COBL: variants seen among roughly 807,000 people sequenced by gnomAD.
The protein encoded by COBL is protein cordon-bleu.
In COBL, 51 loss-of-function variants were observed where a neutral mutation model predicts 98.8. The ratio of observed to expected loss-of-function variants is 0.52; its 90% CI spans 0.41 to 0.65. The LOEUF (loss-of-function observed/expected upper bound fraction) is 0.65, where lower values mean the gene tolerates loss of function less well. Ranked by LOEUF, COBL falls within the 30% of genes least tolerant of loss-of-function variation. COBL has a pLI of 0.00. For missense variants in COBL, 1,617 were observed against 1,617.5 expected (o/e 1.00, Z 0.01); for synonymous variants, 634 against 651.7 (o/e 0.97, Z 0.41).
At chr7:51,265,588 C>T (rs1276648490) in intron 1 of COBL, among the ~76,000 whole-genome samples, 1 of 152,214 alleles carries the variant, frequency 6.6e-6, no homozygotes, top group Non-Finnish European at 1.5e-5. Flanking sequence ...TGCCCCTCAG[C>T]CAGGGCCACC....
intron 1 of COBL, among the ~76,000 whole-genome samples, chr7:51,288,181 C>T (rs1584411196): frequency 6.6e-6 from 1 of 152,194 alleles, no homozygotes; most frequent in African/African-American, 2.4e-5. Flanking sequence ...CGTCTGTAAT[C>T]CCAGCACTTT....
chr7:51,020,776 C>T (rs1786852510), intron 12 of COBL, among the ~76,000 whole-genome samples: 1 of 152,210 alleles, frequency 6.6e-6, no homozygotes, highest in Non-Finnish European at 1.5e-5. Flanking sequence ...AGAAACACAG[C>T]TGGAAGTTTC....
chr7:51,089,615 A>G (rs1355411965), intron 6 of COBL, among the ~76,000 whole-genome samples: 1 of 152,150 alleles, frequency 6.6e-6, no homozygotes, highest in Non-Finnish European at 1.5e-5. Context: ...GTGAAGTAAT[A>G]CTTTTTTTTA....
Position 51,264,012 on chromosome 7 carries a change from G to T in COBL, c.42-44068C>A, listed in dbSNP as rs376280298. Among the ~76,000 whole-genome samples the T allele has an allele frequency of 5.9e-5, 9 of 152,110 alleles. No homozygotes were observed. The East Asian group carries it at 9.7e-4, about 16-fold the overall frequency. ...GAGGTGCTGTTATTCCACTTTTATA[G>T]AAGATGAAACTGAAACCTAGATTAT... On this transcript the variant is annotated intron_variant, in intron 1 of 12. Transcript: ENST00000265136.
chr7:51,062,859 G>A lies in COBL; in HGVS notation c.1097-19167C>T, dbSNP rs542852213. 5.9e-5 allele frequency among the ~76,000 whole-genome samples: 9 copies of A among 152,272 alleles called. No homozygotes were observed. In the South Asian group the frequency reaches 1.4e-3, roughly 25 times the overall value. ...TCCTGGAAGAGGCTGTGAGACACCC[G>A]TGGAGAGCGCTGGGGCACACACAGG... is the stretch of plus-strand genomic sequence containing the variant. On this transcript the variant is annotated intron_variant, in intron 7 of 12. Transcript: ENST00000265136.
rs73118439 is a variant in COBL at position 51,085,017 on chromosome 7, T to C, written c.1096+149A>G. 9,357 of 1,187,246 alleles carry C rather than the reference T, an allele frequency of 7.9e-3. 52 individuals carry two copies. The highest frequency in any genetic ancestry group is 9.5e-3 in the Non-Finnish European group (8,123 of 850,736). The allele number at this position is 1,187,246 out of a possible 1,614,324, so 73.5% of individuals were successfully genotyped here. ...AAGATATGAAGTGAACTTGCAATTA[T>C]TTCTTTCCAGCCCTTCTTTCTTTAG... On this transcript the variant is annotated intron_variant, in intron 7 of 12. Transcript: ENST00000265136.
intron 4 of COBL, chr7:51,187,792 C>G: frequency 1.3e-6 from 1 of 799,556 alleles, no homozygotes; most frequent in Non-Finnish European, 1.7e-6. Flanking sequence ...CAGGAGGGCC[C>G]CAAGCCAAAC....
At chr7:51,019,165 T>C (rs1786664622) in intron 12 of COBL, among the ~76,000 whole-genome samples, 1 of 151,430 alleles carries the variant, frequency 6.6e-6, no homozygotes, top group Non-Finnish European at 1.5e-5. Flanking sequence ...AATGCTTGTG[T>C]GCTCCCAAAT....
intron 5 of COBL, among the ~76,000 whole-genome samples, chr7:51,168,822 T>C (rs948080707): frequency 6.6e-6 from 1 of 152,216 alleles, no homozygotes; most frequent in African/African-American, 2.4e-5. Context: ...CATTCTCCCA[T>C]GTTTGTTGCA....
At chr7:51,193,269 C>T in intron 3 of COBL, 110 bp downstream of exon 3, 1 of 955,422 alleles carries the variant, frequency 1.0e-6, no homozygotes, top group East Asian at 2.5e-5. Context: ...AAGTAGCAGC[C>T]TCAGCCACAG....
At chr7:51,055,947 C>T (rs1448595939) in intron 7 of COBL, among the ~76,000 whole-genome samples, 1 of 152,180 alleles carries the variant, frequency 6.6e-6, no homozygotes, top group East Asian at 1.9e-4. Flanking sequence ...GGAGTATTTG[C>T]CTTTTTCTAA....
intron 2 of COBL, among the ~76,000 whole-genome samples, chr7:51,194,249 C>A (rs1790390250): frequency 6.6e-6 from 1 of 152,042 alleles, no homozygotes; most frequent in African/African-American, 2.4e-5. Context: ...AGGATAATGA[C>A]CTCTAGCTCC....
At chr7:51,300,447 C>T (rs931591375) in intron 1 of COBL, among the ~76,000 whole-genome samples, 3 of 152,204 alleles carry the variant, frequency 2.0e-5, no homozygotes, top group African/African-American at 7.2e-5. Context: ...AGGCATGAGC[C>T]ACCATACCTG....
intron 1 of COBL, among the ~76,000 whole-genome samples, chr7:51,315,942 C>T (rs1803526546): frequency 6.6e-6 from 1 of 152,258 alleles, no homozygotes; most frequent in Non-Finnish European, 1.5e-5. Flanking sequence ...ATGTCTGCGC[C>T]TCAGGCCTGG....
intron 8 of COBL, among the ~76,000 whole-genome samples, chr7:51,039,764 G>C (rs1255119646): frequency 6.6e-6 from 1 of 152,186 alleles, no homozygotes; most frequent in Admixed American, 6.5e-5. Context: ...GTAAGTCTGG[G>C]AACAGGCCAC....
chr7:51,185,992 AG>A (rs1789460852), intron 4 of COBL, among the ~76,000 whole-genome samples: 3 of 152,262 alleles, frequency 2.0e-5, no homozygotes, highest in African/African-American at 4.8e-5. Context: ...GGCACTGAGC[AG>A]GCTCCACATC....
At chr7:51,073,615 C>A (rs982942064) in intron 7 of COBL, among the ~76,000 whole-genome samples, 2 of 152,074 alleles carry the variant, frequency 1.3e-5, no homozygotes, top group Admixed American at 6.6e-5. Context: ...CTGTAAGAAC[C>A]ATATCATAAG....
intron 8 of COBL, among the ~76,000 whole-genome samples, chr7:51,041,141 G>A (rs1402255387): frequency 6.6e-6 from 1 of 152,226 alleles, no homozygotes; most frequent in Non-Finnish European, 1.5e-5. Flanking sequence ...AATGCATCTT[G>A]TGTGGGGTAG....
At chr7:51,092,022 A>G (rs1215501968) in intron 6 of COBL, among the ~76,000 whole-genome samples, 1 of 152,226 alleles carries the variant, frequency 6.6e-6, no homozygotes, top group East Asian at 1.9e-4. Flanking sequence ...ACCAAGCTGC[A>G]CAGCAAGAGG....
Sources: gnomAD v4.1 joint callset for allele counts (sites outside exome capture counted in the v4.1 genomes callset) on GRCh38, gnomAD v4.1.1 for gene constraint, MANE v1.5 for transcripts, NCBI Gene and HGNC (gene_info 2026-07-23, HGNC 2026-07-21) for gene names.